Variants in NLGN1 observed in about 807,000 individuals in gnomAD.
NLGN1 encodes neuroligin-1.
NLGN1 carries 12 observed loss-of-function variants against 65.5 expected under a neutral mutation model. The observed-to-expected ratio is 0.18, with a 90% confidence interval of 0.12 to 0.30. The LOEUF (loss-of-function observed/expected upper bound fraction) is 0.30, where lower values mean the gene tolerates loss of function less well. NLGN1 is among the 10% of genes least tolerant of loss of function. The pLI, the probability that NLGN1 is intolerant of heterozygous loss-of-function variation, is 1.00. For missense variants in NLGN1, 750 were observed against 1,007.1 expected (o/e 0.74, Z 3.46); for synonymous variants, 350 against 359.5 (o/e 0.97, Z 0.30).
chr3:173,525,230 T>TTG (rs1735435882), intron 2 of NLGN1, among the ~76,000 whole-genome samples: 4 of 150,236 alleles, frequency 2.7e-5, no homozygotes, highest in African/African-American at 9.8e-5. Flanking sequence ...GGGTGGGTTT[T>TTG]TTGTTGTTGT....
chr3:174,279,220 T>G lies in NLGN1; in HGVS notation c.1219T>G (p.Ser407Ala). ...TATAGTAGATAGCGATGATGGTATA[T>G]CAGCTAGTGATTTTGACTTTGCTGT... Residue 407 changes from serine to alanine, a missense_variant, in exon 6 of 7, where the codon TCA (serine) becomes GCA (alanine). Transcript: ENST00000457714. The surrounding 1 kb of genome is among the most constrained non-coding windows in gnomAD (Gnocchi z 4.7). 1 of 1,613,354 alleles carries G rather than the reference T, an allele frequency of 6.2e-7. No homozygotes were observed. The highest frequency in any genetic ancestry group is 8.5e-7 in the Non-Finnish European group (1 of 1,179,562).
chr3:173,979,573 AGACT>A, intron 4 of NLGN1, among the ~76,000 whole-genome samples: 1 of 152,254 alleles, frequency 6.6e-6, no homozygotes, highest in East Asian at 1.9e-4. Context: ...GACACCAATG[AGACT>A]GACAACAGCT....
chr3:173,686,817 G>T (rs1577950291), intron 3 of NLGN1, among the ~76,000 whole-genome samples: 1 of 152,250 alleles, frequency 6.6e-6, no homozygotes, highest in Admixed American at 6.5e-5. Context: ...GCGGGGTGTG[G>T]TGGCAGGCGC....
At chr3:173,650,211 A>T (rs904879441) in intron 3 of NLGN1, among the ~76,000 whole-genome samples, 9 of 152,138 alleles carry the variant, frequency 5.9e-5, no homozygotes, top group African/African-American at 1.9e-4. Flanking sequence ...TCAGCTACAT[A>T]CTTCCTACTC....
intron 2 of NLGN1, among the ~76,000 whole-genome samples, chr3:173,482,369 C>G (rs1727438454): frequency 6.6e-6 from 1 of 151,794 alleles, no homozygotes. Context: ...AATTTTTTAA[C>G]ACATTAATTT....
chr3:174,060,619 C>A (rs1436387361), intron 4 of NLGN1, among the ~76,000 whole-genome samples: 1 of 152,090 alleles, frequency 6.6e-6, no homozygotes, highest in Non-Finnish European at 1.5e-5. Flanking sequence ...TTGCTTACTC[C>A]TACACCTTCA....
chr3:173,944,137 G>T (rs1023434604), intron 4 of NLGN1, among the ~76,000 whole-genome samples: 7 of 150,686 alleles, frequency 4.6e-5, no homozygotes, highest in African/African-American at 1.7e-4. Context: ...GTGTGTGTGT[G>T]TGTGTGTGTG....
intron 4 of NLGN1, among the ~76,000 whole-genome samples, chr3:174,246,431 A>T (rs552748566): frequency 1.3e-5 from 2 of 152,218 alleles, no homozygotes; most frequent in Middle Eastern, 3.4e-3. Context: ...CCATTTTTTT[A>T]AAAATAGAGA....
chr3:173,500,354 T>C (rs1730857727), intron 2 of NLGN1, among the ~76,000 whole-genome samples: 1 of 152,182 alleles, frequency 6.6e-6, no homozygotes, highest in African/African-American at 2.4e-5. Flanking sequence ...TGGATTACGT[T>C]TATTGATTTG....
chr3:174,240,929 C>T (rs186029231), intron 4 of NLGN1, among the ~76,000 whole-genome samples: 168 of 152,234 alleles, frequency 1.1e-3, no homozygotes, highest in Middle Eastern at 3.4e-3. Context: ...TTCTTTTCTG[C>T]TTCCACATTT....
Position 174,275,581 on chromosome 3 carries a change from A to G in NLGN1, c.859+54A>G, listed in dbSNP as rs773751592. The G allele has an allele frequency of 4.9e-6, 5 of 1,022,820 alleles. No homozygotes were observed. In the South Asian group the frequency reaches 6.5e-5, roughly 13 times the overall value. The allele number at this position is 1,022,820 out of a possible 1,614,324, so 63.4% of individuals were successfully genotyped here. On this transcript the variant is annotated intron_variant, in intron 5 of 6. Transcript: ENST00000457714. ...ATTTTGGTGTCTGCATGCCACCACCATCAGTAGTATGTGATGCTCTGTATA... is the reference window on the plus strand; with the variant it reads ...ATTTTGGTGTCTGCATGCCACCACCGTCAGTAGTATGTGATGCTCTGTATA...
At chr3:173,410,839 A>G (rs546747647) in intron 1 of NLGN1, among the ~76,000 whole-genome samples, 3 of 152,366 alleles carry the variant, frequency 2.0e-5, no homozygotes, top group Admixed American at 6.5e-5. Context: ...CTGCATTTCA[A>G]TTCTGATTTT....
chr3:173,965,626 C>T (rs1408277437), intron 4 of NLGN1, among the ~76,000 whole-genome samples: 2 of 151,938 alleles, frequency 1.3e-5, no homozygotes, highest in Admixed American at 1.3e-4. Flanking sequence ...TGGCCCATTC[C>T]TAAAACATTT....
chr3:173,687,318 A>T (rs1764829801), intron 3 of NLGN1, among the ~76,000 whole-genome samples: 1 of 152,234 alleles, frequency 6.6e-6, no homozygotes, highest in Non-Finnish European at 1.5e-5. Flanking sequence ...TGTGATTTTT[A>T]AAAGTAATTT....
intron 4 of NLGN1, chr3:174,202,631 A>G (rs1364007362): frequency 6.6e-6 from 1 of 152,042 alleles, no homozygotes; most frequent in African/African-American, 2.4e-5. Context: ...TTTGTTCCTT[A>G]CTACTAGATT....
At chr3:174,067,641 G>C (rs1184474089) in intron 4 of NLGN1, among the ~76,000 whole-genome samples, 7 of 152,086 alleles carry the variant, frequency 4.6e-5, no homozygotes, top group African/African-American at 1.7e-4. Flanking sequence ...TTCCACTGGA[G>C]GAATTTCATC....
chr3:173,875,083 C>T (rs1731870184), intron 4 of NLGN1, among the ~76,000 whole-genome samples: 3 of 152,142 alleles, frequency 2.0e-5, no homozygotes, highest in Admixed American at 2.0e-4. Flanking sequence ...CTTTGTTACT[C>T]CTGTACCTGA....
chr3:174,275,705 C>G (rs1750418742), intron 5 of NLGN1, among the ~76,000 whole-genome samples, 178 bp downstream of exon 5: 1 of 151,770 alleles, frequency 6.6e-6, no homozygotes. Flanking sequence ...AAACTCTTTT[C>G]TTTGTCTCCT....
chr3:174,190,994 A>AGTGTGTGC (rs1162659997), intron 4 of NLGN1, among the ~76,000 whole-genome samples: 1 of 151,860 alleles, frequency 6.6e-6, no homozygotes, highest in Non-Finnish European at 1.5e-5. Flanking sequence ...TAATGGCAGT[A>AGTGTGTGC]GTGTGTGCGT....
Sources: allele counts gnomAD v4.1 joint callset (sites outside exome capture counted in the v4.1 genomes callset), GRCh38; gene constraint gnomAD v4.1.1; non-coding constraint Gnocchi (gnomAD v3.1); transcripts MANE v1.5; gene names NCBI Gene and HGNC (gene_info 2026-07-23, HGNC 2026-07-21).